Variants in OTUD7A observed in about 807,000 individuals in gnomAD.
The protein encoded by OTUD7A is OTU deubiquitinase 7A, also known as OTU domain-containing protein 7A.
OTUD7A carries 12 observed loss-of-function variants against 65.7 expected under a neutral mutation model. The ratio of observed to expected loss-of-function variants is 0.18; its 90% CI spans 0.12 to 0.30. The LOEUF is 0.30. OTUD7A is among the 10% of genes least tolerant of loss of function. The pLI, the probability that OTUD7A is intolerant of heterozygous loss-of-function variation, is 1.00. For synonymous variants in OTUD7A, 641 were observed against 586.3 expected, an observed-to-expected ratio of 1.09 and a Z score of -1.35; for missense variants, 1,148 against 1,304.8, an observed-to-expected ratio of 0.88 and a Z score of 1.85.
chr15:31,632,197 G>GT (rs948769760), intron 3 of OTUD7A, among the ~76,000 whole-genome samples: 16 of 152,146 alleles, frequency 1.1e-4, no homozygotes, highest in African/African-American at 3.9e-4. Context: ...TTTCTGCTCT[G>GT]TTTTTTCCCC....
chr15:31,629,318 G>A (rs1455773780), intron 3 of OTUD7A, among the ~76,000 whole-genome samples: 2 of 152,110 alleles, frequency 1.3e-5, no homozygotes, highest in Non-Finnish European at 2.9e-5. Flanking sequence ...GTTGAATTTT[G>A]TCAAAGGCCT....
At chr15:31,851,798 A>G (rs1595814892) in intron 1 of OTUD7A, among the ~76,000 whole-genome samples, 2 of 152,340 alleles carry the variant, frequency 1.3e-5, no homozygotes, top group South Asian at 4.1e-4. Context: ...GGAGGCAGGC[A>G]GAGAAAGAAA....
intron 4 of OTUD7A, among the ~76,000 whole-genome samples, chr15:31,567,172 G>A (rs1465816138): frequency 2.0e-5 from 3 of 152,180 alleles, no homozygotes; most frequent in East Asian, 3.8e-4. Flanking sequence ...ACCAAAATAC[G>A]GATAATGAAA....
intron 1 of OTUD7A, among the ~76,000 whole-genome samples, chr15:31,782,514 TGGGA>T (rs1895566900): frequency 6.6e-6 from 1 of 151,892 alleles, no homozygotes; most frequent in East Asian, 1.9e-4. Context: ...GGAACCACAG[TGGGA>T]GGCCCTGAGG....
intron 2 of OTUD7A, among the ~76,000 whole-genome samples, chr15:31,655,714 T>A (rs569431727): frequency 6.6e-6 from 1 of 152,220 alleles, no homozygotes; most frequent in Admixed American, 6.5e-5. Context: ...GCAGCCCAGA[T>A]AGACTAAGGC....
intron 1 of OTUD7A, among the ~76,000 whole-genome samples, chr15:31,708,290 G>A (rs889914879): frequency 3.3e-5 from 5 of 152,146 alleles, no homozygotes; most frequent in Admixed American, 6.5e-5. Context: ...AGCATGGATC[G>A]AAAAAAGATG....
chr15:31,599,909 T>A (rs1890024435), intron 3 of OTUD7A, among the ~76,000 whole-genome samples: 1 of 151,856 alleles, frequency 6.6e-6, no homozygotes, highest in African/African-American at 2.4e-5. Context: ...AAGATCAAAT[T>A]AATGAAATAA....
In OTUD7A at chr15:31,495,601, G is replaced by T. The variant is rs931416417; in HGVS notation, c.1171+6089C>A. On this transcript the variant is annotated intron_variant, in intron 10 of 12. Coordinates refer to ENST00000307050, the MANE Select transcript of OTUD7A (RefSeq NM_001382637.1). ...TGGGGCTCCTGAGAGGAGTGGCAAA[G>T]AAATATGGCCCAGTGAGACTGGCCA... 5.3e-4 allele frequency among the ~76,000 whole-genome samples: 80 copies of T among 152,294 alleles called. 1 individual carries two copies. The highest frequency in any genetic ancestry group is 1.8e-3 in the African/African-American group (75 of 41,558).
intron 5 of OTUD7A, among the ~76,000 whole-genome samples, chr15:31,532,375 A>G (rs879878562): frequency 2.6e-4 from 40 of 152,198 alleles, no homozygotes; most frequent in Non-Finnish European, 5.4e-4. Context: ...GAACAAAAAT[A>G]TGGGCAGATA....
chr15:31,835,823 C>G (rs141285051), intron 1 of OTUD7A, among the ~76,000 whole-genome samples: 235 of 152,208 alleles, frequency 1.5e-3, no homozygotes, highest in Admixed American at 4.8e-3. Flanking sequence ...CATACACACA[C>G]AGACACACAC....
rs772574742 is a variant in OTUD7A at position 31,808,136 on chromosome 15, C to CACACACACACACAA, written c.-100+62370_-100+62371insTTGTGTGTGTGTGT. 1.9e-3 allele frequency among the ~76,000 whole-genome samples: 231 copies of CACACACACACACAA among 119,488 alleles called. 1 individual carries two copies. Among genetic ancestry groups the CACACACACACACAA allele is most frequent in the East Asian group, 6.6e-3 (28 of 4,228 alleles). The allele number at this position is 119,488 out of a possible 152,430, so 78.4% of individuals were successfully genotyped here. A position where few individuals can be genotyped will look rare whatever the true frequency, so the allele number is the denominator to read the frequency against. ...ACACACACACACACACACACACACA[C>CACACACACACACAA]AAACAAATCCTCACCAGGTTTTTCC... On this transcript the variant is annotated intron_variant, in intron 1 of 12. Transcript: ENST00000307050.
intron 1 of OTUD7A, among the ~76,000 whole-genome samples, chr15:31,689,915 GA>G (rs964489647): frequency 5.9e-5 from 9 of 151,964 alleles, no homozygotes; most frequent in African/African-American, 1.7e-4. Context: ...ACCTCAAAGT[GA>G]GGGGGCTGTT....
At chr15:31,856,763 T>C (rs1304908529) in intron 1 of OTUD7A, among the ~76,000 whole-genome samples, 1 of 152,240 alleles carries the variant, frequency 6.6e-6, no homozygotes, top group African/African-American at 2.4e-5. Context: ...AACAATTCTT[T>C]GGTATGCTCC....
rs373008837 is a variant in OTUD7A, at chr15:31,652,121, T to C, written c.151+2975A>G. 4.6e-5 allele frequency among the ~76,000 whole-genome samples: 7 copies of C among 152,264 alleles called. No homozygotes were observed. In the East Asian group the frequency reaches 1.2e-3, roughly 25 times the overall value. On this transcript the variant is annotated intron_variant, in intron 3 of 12. Coordinates refer to ENST00000307050, the MANE Select transcript of OTUD7A (RefSeq NM_001382637.1). ...CTACAGAAATCAATATGGCACAATG[T>C]TGATAAAAGAACAGACATAATGATC...
chr15:31,590,633 A>T (rs58249094), intron 3 of OTUD7A, among the ~76,000 whole-genome samples: 12,763 of 152,262 alleles, frequency 0.084, 1,324 homozygotes, highest in African/African-American at 0.25. Context: ...AGCCTGATAA[A>T]TTCTACTTTT....
intron 3 of OTUD7A, among the ~76,000 whole-genome samples, chr15:31,593,584 G>A (rs189978648): frequency 1.5e-3 from 221 of 152,254 alleles, no homozygotes; most frequent in African/African-American, 5.0e-3. Flanking sequence ...TGCAGTGAAT[G>A]GGTCCACCAG....
At chr15:31,602,205 A>G (rs1255024045) in intron 3 of OTUD7A, among the ~76,000 whole-genome samples, 2 of 152,240 alleles carry the variant, frequency 1.3e-5, no homozygotes, top group Non-Finnish European at 2.9e-5. Flanking sequence ...AAAATCCTCA[A>G]TAAAATACTG....
intron 1 of OTUD7A, among the ~76,000 whole-genome samples, chr15:31,753,826 C>T (rs1252967630): frequency 6.7e-6 from 1 of 150,254 alleles, no homozygotes; most frequent in Non-Finnish European, 1.5e-5. Flanking sequence ...CTGCTATAAA[C>T]ACACATGTGC....
Position 31,484,821 on chromosome 15 carries a change from AG to A in OTUD7A, c.1372-98del, listed in dbSNP as rs1330832970. 2 of 1,494,116 alleles carry A rather than the reference AG, an allele frequency of 1.3e-6. No homozygotes were observed. Among genetic ancestry groups the A allele is most frequent in the Non-Finnish European group, 8.9e-7 (1 of 1,124,984 alleles). The allele number at this position is 1,494,116 out of a possible 1,614,324, so 92.6% of individuals were successfully genotyped here. A position where few individuals can be genotyped will look rare whatever the true frequency, so the allele number is the denominator to read the frequency against. On this transcript the variant is annotated intron_variant, in intron 12 of 12. Transcript: ENST00000307050. This position sits in a 1 kb window ranked among gnomAD's most constrained non-coding sequence, Gnocchi z 4.5. ...ACCTTGCCCCTGTGTTGCCGAGGCTAGGGCCCTGGACCTTCACTGTCCCAGT... is the reference window on the plus strand; with the variant it reads ...ACCTTGCCCCTGTGTTGCCGAGGCTAGGCCCTGGACCTTCACTGTCCCAGT...
Sources: allele counts gnomAD v4.1 joint callset (sites outside exome capture counted in the v4.1 genomes callset), GRCh38; gene constraint gnomAD v4.1.1; non-coding constraint Gnocchi (gnomAD v3.1); transcripts MANE v1.5; gene names NCBI Gene and HGNC (gene_info 2026-07-23, HGNC 2026-07-21).